SARAF: variants seen among roughly 807,000 people sequenced by gnomAD.
SARAF encodes store-operated calcium entry-associated regulatory factor.
SARAF carries 23 observed loss-of-function variants against 39.7 expected under a neutral mutation model. The ratio of observed to expected loss-of-function variants is 0.58; its 90% CI spans 0.42 to 0.82. The LOEUF (loss-of-function observed/expected upper bound fraction) is 0.82, where lower values mean the gene tolerates loss of function less well. Among genes scored for constraint, SARAF ranks in the 40% least tolerant of loss-of-function variants. The pLI, the probability that SARAF is intolerant of heterozygous loss-of-function variation, is 0.00. For missense variants in SARAF, 384 were observed against 418.5 expected, an observed-to-expected ratio of 0.92 and a Z score of 0.72; for synonymous variants, 175 against 168.5, an observed-to-expected ratio of 1.04 and a Z score of -0.30.
Position 30,070,111 on chromosome 8 carries a change from A to G in SARAF, c.283-52T>C, listed in dbSNP as rs755119392. ...TTAGAAACAAACATTTTTTTCATTT[A>G]ATATATGTTACTTGGGGGCCGGGCG... On this transcript the variant is annotated intron_variant, in intron 2 of 5. Coordinates refer to ENST00000256255, the MANE Select transcript of SARAF (RefSeq NM_016127.6). The G allele has an allele frequency of 2.0e-6, 3 of 1,500,808 alleles. No homozygotes were observed. In the East Asian group the frequency reaches 6.8e-5, roughly 34 times the overall value. 93.0% of individuals were successfully genotyped at this position (1,500,808 alleles called of 1,614,324 possible).
chr8:30,071,168 C>T (rs1200601822), intron 2 of SARAF, among the ~76,000 whole-genome samples: 1 of 152,144 alleles, frequency 6.6e-6, no homozygotes, highest in East Asian at 1.9e-4. Context: ...TGGCAAAACC[C>T]CATCTCTACG....
chr8:30,064,584 CAG>C (rs1801640220), intron 5 of SARAF, among the ~76,000 whole-genome samples: 1 of 16,768 alleles, frequency 6.0e-5, no homozygotes, highest in Non-Finnish European at 1.1e-4. Flanking sequence ...TTTTTTGAGA[CAG>C]AGTTTTGCTC....
intron 3 of SARAF, among the ~76,000 whole-genome samples, chr8:30,068,533 C>T (rs1390035663): frequency 6.6e-6 from 1 of 152,096 alleles, no homozygotes; most frequent in African/African-American, 2.4e-5. Context: ...ATGTAATATG[C>T]TTTAATCATC....
chr8:30,071,893 T>C (rs1471081237), intron 2 of SARAF, among the ~76,000 whole-genome samples: 1 of 152,260 alleles, frequency 6.6e-6, no homozygotes, highest in Admixed American at 6.5e-5. Flanking sequence ...TTGGCTATTA[T>C]GAATAATGCT....
intron 3 of SARAF, 34 bp downstream of exon 3, chr8:30,069,608 C>A: frequency 6.3e-7 from 1 of 1,594,936 alleles, no homozygotes; most frequent in Non-Finnish European, 8.6e-7. Flanking sequence ...ACCTCACACC[C>A]GCTCTATTTA....
chr8:30,079,881 T>C (rs1585447302), intron 1 of SARAF, among the ~76,000 whole-genome samples: 1 of 152,184 alleles, frequency 6.6e-6, no homozygotes, highest in East Asian at 1.9e-4. Context: ...AAAATTCTAA[T>C]ACCCACGCCC....
At chr8:30,072,201 T>C (rs930957322) in intron 2 of SARAF, among the ~76,000 whole-genome samples, 1 of 152,234 alleles carries the variant, frequency 6.6e-6, no homozygotes, top group African/African-American at 2.4e-5. Flanking sequence ...TGGCTAATAA[T>C]AAGGAACACT....
Position 30,082,938 on chromosome 8 carries a change from G to C in SARAF, c.12C>G (p.Ala4=). 2 of 1,546,018 alleles carry C rather than the reference G, an allele frequency of 1.3e-6. No homozygotes were observed. Among genetic ancestry groups the C allele is most frequent in the South Asian group, 1.2e-5 (1 of 83,510 alleles). Residue 4 remains alanine, a synonymous_variant, in exon 1 of 6, where the codon GCC becomes GCG. Coordinates refer to ENST00000256255, the MANE Select transcript of SARAF (RefSeq NM_016127.6). The part of the protein sequence containing the change: MAA[A]CGPGAAGYCL... ...AGTACCCGGCCGCTCCCGGCCCGCA[G>C]GCTGCGGCCATGGCGCTCGATGAAG...
intron 2 of SARAF, 39 bp from the exon 3 acceptor site, chr8:30,070,098 A>T: frequency 6.5e-7 from 1 of 1,531,106 alleles, no homozygotes; most frequent in Non-Finnish European, 8.8e-7. Flanking sequence ...AGAAACAAAC[A>T]TTTTTTTCAT....
Position 30,079,957 on chromosome 8 carries a change from G to A in SARAF, c.103+2890C>T, listed in dbSNP as rs140869553. ...CTCCAGACTCATAAATCAAAATCAC[G>A]GCAGGTCTCAAACAAGATAAACAAA... On this transcript the variant is annotated intron_variant, in intron 1 of 5. Transcript: ENST00000256255. Among the ~76,000 whole-genome samples, 434 of 152,128 alleles carry A rather than the reference G, an allele frequency of 2.9e-3. 1 individual carries two copies. Among genetic ancestry groups the A allele is most frequent in the African/African-American group, 0.01 (421 of 41,500 alleles).
At position 30,069,665 on chromosome 8, in the gene SARAF, G is replaced by C. The variant is rs2117427025; in HGVS notation, c.677C>G (p.Pro226Arg). ...ACCTGTGAACTCAGACTTAAAGCCT[G>C]GGGGAGGAGGTCCTGCTGAGTTGGT... ...RFTNSAGPPP[P>R]GFKSEFTGPQ... The change falls in exon 3 of 6, where the codon CCA becomes CGA. Residue 226 changes from proline to arginine, a missense_variant. Coordinates refer to ENST00000256255, the MANE Select transcript of SARAF (RefSeq NM_016127.6). 6.2e-7 allele frequency: 1 copy of C among 1,614,068 alleles called. No individual in the cohort carries two copies. The highest frequency in any genetic ancestry group is 8.5e-7 in the Non-Finnish European group (1 of 1,179,988).
chr8:30,078,093 T>C (rs1427631288), intron 1 of SARAF: 1 of 251,306 alleles, frequency 4.0e-6, no homozygotes, highest in Non-Finnish European at 7.3e-6. Flanking sequence ...CGAGCCGAGA[T>C]GGTGCCACTG....
intron 5 of SARAF, among the ~76,000 whole-genome samples, chr8:30,064,304 A>G (rs1233388365): frequency 6.6e-6 from 1 of 151,824 alleles, no homozygotes; most frequent in East Asian, 1.9e-4. Flanking sequence ...AGGGTTACGG[A>G]CTTTAGATGC....
At chr8:30,066,180 G>A (rs368780552) in intron 4 of SARAF, 41 bp from the exon 5 acceptor site, 1 of 1,551,552 alleles carries the variant, frequency 6.4e-7, no homozygotes, top group Non-Finnish European at 8.8e-7. Flanking sequence ...TTTTTCTTGT[G>A]GCTATAATTT....
Position 30,073,917 on chromosome 8 carries a change from A to G in SARAF, c.242T>C (p.Ile81Thr). 1 of 1,614,190 alleles carries G rather than the reference A, an allele frequency of 6.2e-7. No homozygotes were observed. Among genetic ancestry groups the G allele is most frequent in the Non-Finnish European group, 8.5e-7 (1 of 1,180,040 alleles). The change falls in exon 2 of 6, where the codon ATA (isoleucine) becomes ACA (threonine). Residue 81 changes from isoleucine (I) to threonine (T), a missense_variant. Ile to Thr is a moderately conservative substitution (Grantham distance 89, BLOSUM62 -1). Transcript: ENST00000256255. ...AGCDSYTPKV[I>T]QCQNKGWDGY... is the part of the protein sequence containing the mutation. ...ATCCCAGCCTTTGTTCTGACACTGT[A>G]TGACTTTTGGGGTATAAGAATCACA...
At chr8:30,082,048 C>T (rs1460888932) in intron 1 of SARAF, among the ~76,000 whole-genome samples, 1 of 152,062 alleles carries the variant, frequency 6.6e-6, no homozygotes, top group Non-Finnish European at 1.5e-5. Flanking sequence ...TAAGAGGCAG[C>T]GGTTCTCATA....
rs755207493 is a variant in SARAF at position 30,070,030 on chromosome 8, T to C, written c.312A>G (p.Ala104=). 1 of 1,611,926 alleles carries C rather than the reference T, an allele frequency of 6.2e-7. No homozygotes were observed. Among genetic ancestry groups the C allele is most frequent in the Non-Finnish European group, 8.5e-7 (1 of 1,179,524 alleles). Residue 104 remains alanine, a synonymous_variant, in exon 3 of 6, where the codon GCA becomes GCG. Transcript: ENST00000256255. ...QWECKTDLDI[A]YKFGKTVVSC... ...TCACCACAGTTTTTCCAAATTTGTA[T>C]GCAATATCTAAGTCCGTCTTACATT...
intron 1 of SARAF, chr8:30,082,144 C>T (rs1351851232): frequency 6.6e-6 from 1 of 152,090 alleles, no homozygotes; most frequent in African/African-American, 2.4e-5. Context: ...CGAGACCAGC[C>T]TGGCCAACAT....
At chr8:30,080,128 T>C (rs1397499627) in intron 1 of SARAF, among the ~76,000 whole-genome samples, 3 of 152,220 alleles carry the variant, frequency 2.0e-5, no homozygotes, top group African/African-American at 7.2e-5. Context: ...CAGAAGATCA[T>C]GTTAGCTCCA....
Sources: allele counts gnomAD v4.1 joint callset (sites outside exome capture counted in the v4.1 genomes callset), GRCh38; gene constraint gnomAD v4.1.1; transcripts MANE v1.5; gene names NCBI Gene and HGNC (gene_info 2026-07-23, HGNC 2026-07-21).